The following SIRT5 variants were observed in gnomAD, a reference collection of about 807,000 sequenced individuals.
SIRT5 encodes sirtuin 5.
In SIRT5, 26 loss-of-function variants were observed where a neutral mutation model predicts 40.0. The ratio of observed to expected loss-of-function variants is 0.65; its 90% confidence interval spans 0.48 to 0.90. The LOEUF (loss-of-function observed/expected upper bound fraction) is 0.90. Ranked by LOEUF, SIRT5 falls within the 40% of genes least tolerant of loss-of-function variation. The pLI is 0.00. For missense variants in SIRT5, 401 were observed against 402.4 expected, an observed-to-expected ratio of 1.00 and a Z score of 0.03; for synonymous variants, 146 against 149.1, an observed-to-expected ratio of 0.98 and a Z score of 0.15.
chr6:13,608,040 T>C (rs11965206), intron 9 of SIRT5, among the ~76,000 whole-genome samples: 4,463 of 152,236 alleles, frequency 0.029, 213 homozygotes, highest in African/African-American at 0.1. Context: ...GGATTACAGG[T>C]GTGAGCCACT....
chr6:13,584,287 C>CA, intron 3 of SIRT5, 62 bp downstream of exon 3: 1 of 1,180,356 alleles, frequency 8.5e-7, no homozygotes, highest in Non-Finnish European at 1.3e-6. Context: ...AAGTCCTACA[C>CA]TTCGAGAGGA....
At chr6:13,605,025 G>A in intron 9 of SIRT5, 1 of 987,034 alleles carries the variant, frequency 1.0e-6, no homozygotes, top group Non-Finnish European at 1.2e-6. Flanking sequence ...AGAGATGCTG[G>A]TGATAGTCAT....
chr6:13,587,327 A>C (rs149600751), intron 3 of SIRT5, among the ~76,000 whole-genome samples: 1 of 152,128 alleles, frequency 6.6e-6, no homozygotes, highest in Non-Finnish European at 1.5e-5. Context: ...CGCTTACCTT[A>C]CAAGGGCCTG....
In SIRT5 at chr6:13,584,128, T is replaced by A; in HGVS notation, c.18T>A (p.Ile6=). The change falls in exon 3 of 10, where the codon ATT becomes ATA. Residue 6 remains isoleucine (I), a synonymous_variant. Transcript: ENST00000606117. ...AAACCCTGATGCGACCTCTCCAGATTGTCCCAAGTCGATTGATTTCCCAGC... is the reference window on the plus strand; with the variant it reads ...AAACCCTGATGCGACCTCTCCAGATAGTCCCAAGTCGATTGATTTCCCAGC... MRPLQ[I]VPSRLISQLY... 1 of 1,614,084 alleles carries A rather than the reference T, an allele frequency of 6.2e-7. No homozygotes were observed. The highest frequency in any genetic ancestry group is 2.2e-5 in the East Asian group (1 of 44,886).
chr6:13,575,399 C>T (rs1204998076), intron 1 of SIRT5, among the ~76,000 whole-genome samples: 1 of 151,994 alleles, frequency 6.6e-6, no homozygotes, highest in Non-Finnish European at 1.5e-5. Flanking sequence ...AATGGGGCCC[C>T]CTAGTGGAGA....
At chr6:13,610,758 AG>A (rs1763727436) in intron 9 of SIRT5, among the ~76,000 whole-genome samples, 2 of 152,196 alleles carry the variant, frequency 1.3e-5, no homozygotes, top group Non-Finnish European at 2.9e-5. Flanking sequence ...AGCACGTGGC[AG>A]GGGGCAGACG....
intron 9 of SIRT5, among the ~76,000 whole-genome samples, chr6:13,611,248 TACAC>T (rs1198166345): frequency 9.1e-5 from 11 of 121,382 alleles, no homozygotes; most frequent in African/African-American, 1.2e-4. Flanking sequence ...CACACACACA[TACAC>T]ACACACATAT....
chr6:13,604,368 T>G (rs1057219395), intron 9 of SIRT5: 1 of 782,694 alleles, frequency 1.3e-6, no homozygotes, highest in African/African-American at 1.8e-5. Flanking sequence ...GCCTCCTGTC[T>G]GTTTGAAAGA....
chr6:13,598,310 G>A (rs1761873585), intron 7 of SIRT5, among the ~76,000 whole-genome samples: 1 of 152,116 alleles, frequency 6.6e-6, no homozygotes, highest in Admixed American at 6.5e-5. Context: ...AATGGACACA[G>A]GAAAGCTGGC....
At chr6:13,579,956 A>T (rs1759117402) in intron 2 of SIRT5, among the ~76,000 whole-genome samples, 1 of 152,236 alleles carries the variant, frequency 6.6e-6, no homozygotes, top group Admixed American at 6.5e-5. Context: ...TGCCCATGCT[A>T]GTTGAAGATC....
At chr6:13,592,933 G>A (rs1554216374) in intron 5 of SIRT5, among the ~76,000 whole-genome samples, 1 of 47,154 alleles carries the variant, frequency 2.1e-5, no homozygotes, top group South Asian at 5.8e-4. Context: ...TTTTTTTTTA[G>A]CAATGGGGGT....
chr6:13,584,291 G>A (rs367642009), intron 3 of SIRT5, 66 bp downstream of exon 3: 23 of 1,134,144 alleles, frequency 2.0e-5, no homozygotes, highest in South Asian at 9.8e-5. Context: ...CCTACACTTC[G>A]AGAGGAATGT....
chr6:13,608,437 C>T (rs1356803626), intron 9 of SIRT5, among the ~76,000 whole-genome samples: 1 of 151,996 alleles, frequency 6.6e-6, no homozygotes, highest in Non-Finnish European at 1.5e-5. Context: ...AATACAAAAA[C>T]TAGCCAGGCG....
chr6:13,585,919 T>C (rs1218406841), intron 3 of SIRT5, among the ~76,000 whole-genome samples: 1 of 152,240 alleles, frequency 6.6e-6, no homozygotes, highest in Non-Finnish European at 1.5e-5. Flanking sequence ...TTCCTGACTT[T>C]TTAATGATCG....
At chr6:13,601,422 T>C (rs1201778921) in intron 9 of SIRT5, among the ~76,000 whole-genome samples, 1 of 152,208 alleles carries the variant, frequency 6.6e-6, no homozygotes, top group Non-Finnish European at 1.5e-5. Flanking sequence ...GCTTCCCAAG[T>C]TTGGGTGGGA....
chr6:13,612,017 G>C lies in SIRT5; in HGVS notation c.*152G>C. On this transcript the variant is annotated 3_prime_UTR_variant, in exon 10 of 10. Coordinates refer to ENST00000606117, the MANE Select transcript of SIRT5 (RefSeq NM_012241.5). ...AATCCAACCTGTTGATAAGTGATGG[G>C]GGTTTAGAAGTAGCAAAGAGCACCC... is the stretch of plus-strand genomic sequence containing the variant. 1 of 589,752 alleles carries C rather than the reference G, an allele frequency of 1.7e-6. No individual in the cohort carries two copies. The highest frequency in any genetic ancestry group is 2.9e-5 in the Admixed American group (1 of 33,984). The allele number at this position is 589,752 out of a possible 1,614,324, so 36.5% of individuals were successfully genotyped here.
rs1764053129 is a variant in SIRT5, at chr6:13,612,733, T to A, written c.*868T>A. ...CTCACACAAAGAAGGAAGAGAACAG[T>A]ACCAACAAGGTAGAACATCACGATG... On this transcript the variant is annotated 3_prime_UTR_variant, in exon 10 of 10. Coordinates refer to ENST00000606117, the MANE Select transcript of SIRT5 (RefSeq NM_012241.5). 1 of 152,264 alleles carries A rather than the reference T, an allele frequency of 6.6e-6. No homozygotes were observed. The highest frequency in any genetic ancestry group is 2.4e-5 in the African/African-American group (1 of 41,422). The allele number at this position is 152,264 out of a possible 1,614,324, so 9.4% of individuals were successfully genotyped here. A position where few individuals can be genotyped will look rare whatever the true frequency, so the allele number is the denominator to read the frequency against.
chr6:13,614,584 C>G lies in SIRT5; in HGVS notation c.*2719C>G, dbSNP rs1764195841. On this transcript the variant is annotated 3_prime_UTR_variant, in exon 10 of 10. Transcript: ENST00000606117. Reference sequence around the variant, plus strand: ...GTACGTATGTGTATATACCACAAAACTCGGGTGCATTCTCTAGGGACCGGC... The same window carrying G: ...GTACGTATGTGTATATACCACAAAAGTCGGGTGCATTCTCTAGGGACCGGC... The G allele has an allele frequency of 6.6e-6, 1 of 152,264 alleles. No homozygotes were observed. Among genetic ancestry groups the G allele is most frequent in the Non-Finnish European group, 1.5e-5 (1 of 68,058 alleles). 9.4% of individuals were successfully genotyped at this position (152,264 alleles called of 1,614,324 possible). A position where few individuals can be genotyped will look rare whatever the true frequency, so the allele number is the denominator to read the frequency against.
intron 1 of SIRT5, among the ~76,000 whole-genome samples, chr6:13,575,648 A>G (rs950307829): frequency 6.6e-6 from 1 of 152,194 alleles, no homozygotes; most frequent in Admixed American, 6.5e-5. Context: ...TGACATATCC[A>G]TCACCTCACC....
Sources: gnomAD v4.1 joint callset for allele counts (sites outside exome capture counted in the v4.1 genomes callset) on GRCh38, gnomAD v4.1.1 for gene constraint, MANE v1.5 for transcripts, NCBI Gene and HGNC (gene_info 2026-07-23, HGNC 2026-07-21) for gene names.